SHOC2: variants seen among roughly 807,000 people sequenced by gnomAD.
SHOC2 encodes leucine-rich repeat protein SHOC-2.
A neutral mutation model predicts 50.2 loss-of-function variants in SHOC2; 4 were observed. The observed-to-expected ratio is 0.08, with a 90% CI of 0.04 to 0.18. The LOEUF is 0.18. Ranked by LOEUF, SHOC2 falls within the 10% of genes least tolerant of loss-of-function variation. SHOC2 has a pLI of 1.00. For missense variants in SHOC2, 388 were observed against 669.6 expected (o/e 0.58, Z 4.64); for synonymous variants, 218 against 244.5 (o/e 0.89, Z 1.01).
At chr10:110,919,716 C>G (rs1175732011) in intron 1 of SHOC2, 59 bp downstream of exon 1, 2 of 397,484 alleles carry the variant, frequency 5.0e-6, no homozygotes, top group Non-Finnish European at 8.9e-6. Flanking sequence ...TGCCTGCCTT[C>G]CTGTCCGTCG....
chr10:110,919,626 C>G lies in SHOC2; in HGVS notation c.-266C>G, dbSNP rs1309607126. ...GAGGAAGAGGAGGAAGGAGGGCGAG[C>G]GAGGAGGATGGCGGAGTCGGGGCTC... On this transcript the variant is annotated 5_prime_UTR_variant, in exon 1 of 9. Coordinates refer to ENST00000369452, the MANE Select transcript of SHOC2 (RefSeq NM_007373.4). 2 of 398,386 alleles carry G rather than the reference C, an allele frequency of 5.0e-6. No individual in the cohort carries two copies. Among genetic ancestry groups the G allele is most frequent in the Non-Finnish European group, 8.8e-6 (2 of 226,406 alleles). The allele number at this position is 398,386 out of a possible 1,614,324, so 24.7% of individuals were successfully genotyped here.
At chr10:110,921,269 A>G (rs1228701912) in intron 1 of SHOC2, among the ~76,000 whole-genome samples, 1 of 152,240 alleles carries the variant, frequency 6.6e-6, no homozygotes, top group Non-Finnish European at 1.5e-5. Flanking sequence ...TTCGCCACAT[A>G]TGGAACTTAG....
chr10:110,982,026 C>A (rs1847990087), intron 2 of SHOC2, among the ~76,000 whole-genome samples: 2 of 117,804 alleles, frequency 1.7e-5, no homozygotes, highest in South Asian at 3.0e-4. Flanking sequence ...CCACAACAGT[C>A]CCCAGAGTGT....
At chr10:111,009,441 T>A in intron 7 of SHOC2, 56 bp downstream of exon 7, 1 of 1,384,950 alleles carries the variant, frequency 7.2e-7, no homozygotes, top group East Asian at 2.3e-5. Context: ...TGTTCCAAAT[T>A]CCACATTTCT....
In SHOC2 at chr10:110,985,944, ATAGGT is replaced by A. The variant is rs1365849047; in HGVS notation, c.841+181_841+185del. The stretch of plus-strand genomic sequence containing the variant: ...TCATTTCCTTTTCTTGGCAAAGAAA[ATAGGT>A]TTTAGGAAATGAGCCCAATGGGATT... On this transcript the variant is annotated intron_variant, in intron 3 of 8. Transcript: ENST00000369452. The A allele has an allele frequency of 8.3e-5, 50 of 601,248 alleles. No homozygotes were observed. In the East Asian group the frequency reaches 1.4e-3, roughly 17 times the overall value. The allele number at this position is 601,248 out of a possible 1,614,324, so 37.2% of individuals were successfully genotyped here.
intron 1 of SHOC2, among the ~76,000 whole-genome samples, chr10:110,957,098 T>C (rs1003350993): frequency 1.3e-5 from 2 of 152,238 alleles, no homozygotes; most frequent in Non-Finnish European, 2.9e-5. Context: ...TGCTGATCTT[T>C]GTATTTAAGT....
intron 1 of SHOC2, chr10:110,937,149 G>C: frequency 6.6e-7 from 1 of 1,524,048 alleles, no homozygotes; most frequent in Non-Finnish European, 9.1e-7. Flanking sequence ...TTCCGGCCCA[G>C]CAGTACCTGT....
chr10:110,982,320 G>T (rs971206496), intron 2 of SHOC2, among the ~76,000 whole-genome samples: 172 of 151,150 alleles, frequency 1.1e-3, no homozygotes, highest in Non-Finnish European at 2.0e-3. Context: ...AAACATACGT[G>T]TGCATGTGTC....
chr10:110,959,541 C>T (rs189635435), intron 1 of SHOC2, among the ~76,000 whole-genome samples: 174 of 152,258 alleles, frequency 1.1e-3, no homozygotes, highest in African/African-American at 4.0e-3. Flanking sequence ...TAGATTGTAC[C>T]TTTATCATGT....
intron 2 of SHOC2, among the ~76,000 whole-genome samples, chr10:110,973,565 A>T (rs1015582280): frequency 7.9e-5 from 12 of 152,164 alleles, no homozygotes; most frequent in African/African-American, 2.6e-4. Flanking sequence ...GAATGAGTTG[A>T]GACATGTTTC....
intron 2 of SHOC2, among the ~76,000 whole-genome samples, chr10:110,981,945 G>A (rs1157405312): frequency 1.4e-5 from 2 of 138,896 alleles, no homozygotes; most frequent in East Asian, 2.3e-4. Context: ...ATGCTGGTGC[G>A]CTGCACCCAC....
intron 2 of SHOC2, among the ~76,000 whole-genome samples, chr10:110,967,982 C>T (rs74980077): frequency 6.6e-6 from 1 of 152,074 alleles, no homozygotes; most frequent in African/African-American, 2.4e-5. Context: ...TGAGTATATA[C>T]CTAGTAGAAT....
At chr10:111,004,943 A>G (rs1848441272) in intron 5 of SHOC2, 149 bp downstream of exon 5, 8 of 678,100 alleles carry the variant, frequency 1.2e-5, no homozygotes, top group Non-Finnish European at 1.9e-5. Context: ...GGTACTTTGT[A>G]TCAGATAACA....
chr10:111,009,744 C>G lies in SHOC2; in HGVS notation c.1454C>G (p.Thr485Ser), dbSNP rs761814909. The G allele has an allele frequency of 1.9e-6, 3 of 1,612,330 alleles. No homozygotes were observed. The highest frequency in any genetic ancestry group is 2.5e-6 in the Non-Finnish European group (3 of 1,178,480). ...KLVLTNNQLT[T>S]LPRGIGHLTN... ...GTCTTGACAAACAACCAGTTGACCACTCTTCCCAGAGGCATTGGTCACCTT... is the reference window on the plus strand; with the variant it reads ...GTCTTGACAAACAACCAGTTGACCAGTCTTCCCAGAGGCATTGGTCACCTT... The change falls in exon 8 of 9, where the codon ACT becomes AGT. Residue 485 changes from threonine to serine, a missense_variant. Thr to Ser is a moderately conservative substitution (Grantham distance 58). Transcript: ENST00000369452.
intron 6 of SHOC2, among the ~76,000 whole-genome samples, chr10:111,008,639 T>C (rs923799670): frequency 6.6e-6 from 1 of 152,140 alleles, no homozygotes. Context: ...TTACTGTATA[T>C]ATTTATTATG....
At chr10:110,925,011 C>T (rs1846729811) in intron 1 of SHOC2, among the ~76,000 whole-genome samples, 2 of 132,002 alleles carry the variant, frequency 1.5e-5, no homozygotes, top group Non-Finnish European at 3.1e-5. Context: ...GTGGAGGTTG[C>T]GGTAAGCCGA....
At chr10:110,940,055 A>G (rs572780533) in intron 1 of SHOC2, among the ~76,000 whole-genome samples, 2 of 152,252 alleles carry the variant, frequency 1.3e-5, no homozygotes, top group Admixed American at 1.3e-4. Context: ...GCATTTAGAC[A>G]TAATGTATTA....
intron 2 of SHOC2, among the ~76,000 whole-genome samples, chr10:110,968,540 A>G (rs1299914876): frequency 6.6e-6 from 1 of 151,206 alleles, no homozygotes; most frequent in African/African-American, 2.4e-5. Context: ...ATTTATAAAT[A>G]TATATTAAAT....
At chr10:110,930,097 A>G (rs1846860929) in intron 1 of SHOC2, among the ~76,000 whole-genome samples, 1 of 152,232 alleles carries the variant, frequency 6.6e-6, no homozygotes, top group Non-Finnish European at 1.5e-5. Context: ...AAAATGTAAT[A>G]CAGAGATAAT....
Sources: gnomAD v4.1 joint callset for allele counts (sites outside exome capture counted in the v4.1 genomes callset) on GRCh38, gnomAD v4.1.1 for gene constraint, MANE v1.5 for transcripts, NCBI Gene and HGNC (gene_info 2026-07-23, HGNC 2026-07-21) for gene names.